The following CTNND2 variants were observed in gnomAD, a reference collection of about 807,000 sequenced individuals.
CTNND2 encodes catenin delta-2.
Under a neutral mutation model 144.4 loss-of-function variants are expected in CTNND2, and 22 were observed. The observed-to-expected ratio is 0.15, with a 90% CI of 0.11 to 0.22. CTNND2 has a LOEUF of 0.22. Ranked by LOEUF, CTNND2 falls within the 10% of genes least tolerant of loss-of-function variation. The probability of loss-of-function intolerance (pLI) is 1.00; values close to 1 mark genes in which losing one functional copy is unlikely to be tolerated. For missense variants in CTNND2, 1,353 were observed against 1,618.8 expected (o/e 0.84, Z 2.82); for synonymous variants, 751 against 695.6 (o/e 1.08, Z -1.25).
chr5:11,031,361 T>G (rs577269929), intron 16 of CTNND2, among the ~76,000 whole-genome samples: 15 of 152,132 alleles, frequency 9.9e-5, no homozygotes, highest in Admixed American at 7.2e-4. Flanking sequence ...TAAGCTGCTC[T>G]AGGAACATGT....
intron 1 of CTNND2, among the ~76,000 whole-genome samples, chr5:11,849,416 T>C (rs1475568516): frequency 6.6e-6 from 1 of 152,180 alleles, no homozygotes; most frequent in African/African-American, 2.4e-5. Context: ...CAGTAGAACG[T>C]GGGGACGGAG....
chr5:11,657,658 AT>A (rs1258076962), intron 2 of CTNND2, among the ~76,000 whole-genome samples: 1 of 152,148 alleles, frequency 6.6e-6, no homozygotes, highest in Non-Finnish European at 1.5e-5. Flanking sequence ...ACAAATTGCA[AT>A]TTTTCAGATT....
At chr5:11,757,340 T>C (rs1191616352) in intron 1 of CTNND2, among the ~76,000 whole-genome samples, 1 of 151,868 alleles carries the variant, frequency 6.6e-6, no homozygotes, top group Non-Finnish European at 1.5e-5. Flanking sequence ...TGTATTGATG[T>C]ATCATTTTTA....
intron 9 of CTNND2, among the ~76,000 whole-genome samples, chr5:11,284,505 C>T (rs1303139997): frequency 5.3e-5 from 8 of 152,116 alleles, no homozygotes; most frequent in African/African-American, 1.9e-4. Flanking sequence ...GAGGAGAGAA[C>T]ATGAGGTGTT....
intron 1 of CTNND2, among the ~76,000 whole-genome samples, chr5:11,846,922 T>C (rs549859489): frequency 4.3e-4 from 65 of 151,786 alleles, no homozygotes; most frequent in African/African-American, 1.5e-3. Context: ...AGAATGGCTA[T>C]TATCAGAAAG....
intron 1 of CTNND2, among the ~76,000 whole-genome samples, chr5:11,848,818 C>CAG (rs1794877269): frequency 6.6e-6 from 1 of 152,064 alleles, no homozygotes; most frequent in South Asian, 2.1e-4. Flanking sequence ...TTCTCTTGTC[C>CAG]AGGATGATTC....
At chr5:11,363,144 G>A (rs1756634691) in intron 8 of CTNND2, among the ~76,000 whole-genome samples, 1 of 152,200 alleles carries the variant, frequency 6.6e-6, no homozygotes, top group African/African-American at 2.4e-5. Flanking sequence ...GCCATTGTTT[G>A]CTGATGCAGA....
chr5:11,205,807 T>C (rs571738650), intron 10 of CTNND2, among the ~76,000 whole-genome samples: 11 of 152,324 alleles, frequency 7.2e-5, no homozygotes, highest in Non-Finnish European at 1.6e-4. Flanking sequence ...ATTCGATAGG[T>C]GAACCAAGAT....
At chr5:11,169,354 T>G (rs539183222) in intron 11 of CTNND2, among the ~76,000 whole-genome samples, 48 of 152,300 alleles carry the variant, frequency 3.2e-4, no homozygotes, top group African/African-American at 1.0e-3. Context: ...TGGTAGTCTT[T>G]GGGGAGCTGA....
At chr5:11,670,012 G>A (rs193012749) in intron 2 of CTNND2, among the ~76,000 whole-genome samples, 1 of 152,288 alleles carries the variant, frequency 6.6e-6, no homozygotes, top group East Asian at 1.9e-4. Context: ...TAATTGCTCA[G>A]TAGTTAGTCA....
At chr5:11,026,050 A>T (rs1011552291) in intron 16 of CTNND2, among the ~76,000 whole-genome samples, 3 of 152,106 alleles carry the variant, frequency 2.0e-5, no homozygotes, top group African/African-American at 7.2e-5. Flanking sequence ...TTTTAGAGAG[A>T]GAAATGGATG....
chr5:11,848,017 T>C (rs1412589754), intron 1 of CTNND2, among the ~76,000 whole-genome samples: 1 of 152,064 alleles, frequency 6.6e-6, no homozygotes, highest in Non-Finnish European at 1.5e-5. Flanking sequence ...TAATATATTT[T>C]AAAATATCAA....
chr5:11,377,620 T>C (rs549318040), intron 7 of CTNND2, among the ~76,000 whole-genome samples: 1 of 152,276 alleles, frequency 6.6e-6, no homozygotes, highest in Non-Finnish European at 1.5e-5. Flanking sequence ...AAAAAGGATC[T>C]GTTTACCCGC....
At chr5:11,860,937 G>C (rs573574301) in intron 1 of CTNND2, among the ~76,000 whole-genome samples, 6 of 152,106 alleles carry the variant, frequency 3.9e-5, no homozygotes, top group African/African-American at 1.4e-4. Flanking sequence ...TTCTTTTGTT[G>C]CTAAAAGGTA....
chr5:11,626,503 C>T (rs1313110252), intron 2 of CTNND2, among the ~76,000 whole-genome samples: 1 of 152,042 alleles, frequency 6.6e-6, no homozygotes, highest in Non-Finnish European at 1.5e-5. Context: ...AATTATATTC[C>T]ATCAACCATC....
At chr5:11,659,137 T>A (rs1783057097) in intron 2 of CTNND2, among the ~76,000 whole-genome samples, 1 of 152,070 alleles carries the variant, frequency 6.6e-6, no homozygotes, top group Admixed American at 6.6e-5. Context: ...AAAAAAATTT[T>A]AAAAATAAAA....
intron 9 of CTNND2, among the ~76,000 whole-genome samples, chr5:11,272,451 C>T (rs766494610): frequency 1.3e-5 from 2 of 152,144 alleles, no homozygotes; most frequent in Non-Finnish European, 2.9e-5. Flanking sequence ...TCAAGACCCA[C>T]AATAAAAACC....
intron 1 of CTNND2, among the ~76,000 whole-genome samples, chr5:11,815,850 C>T (rs1193126378): frequency 6.6e-6 from 1 of 152,146 alleles, no homozygotes; most frequent in Non-Finnish European, 1.5e-5. Flanking sequence ...GACTTGCTAG[C>T]AAGTGGTGGC....
intron 3 of CTNND2, among the ~76,000 whole-genome samples, chr5:11,509,268 A>G (rs2150022281): frequency 6.6e-6 from 1 of 152,356 alleles, no homozygotes; most frequent in East Asian, 1.9e-4. Context: ...TAAAGGGAAC[A>G]ATTCTCTGTA....
Sources: gnomAD v4.1 joint callset for allele counts (sites outside exome capture counted in the v4.1 genomes callset) on GRCh38, gnomAD v4.1.1 for gene constraint, MANE v1.5 for transcripts, NCBI Gene and HGNC (gene_info 2026-07-23, HGNC 2026-07-21) for gene names.